The following FAM163B variants were observed in gnomAD, a reference collection of about 807,000 sequenced individuals.
FAM163B encodes the protein protein FAM163B.
A neutral mutation model predicts 7.6 loss-of-function variants in FAM163B; 4 were observed. The ratio of observed to expected loss-of-function variants is 0.52; its 90% CI spans 0.26 to 1.20. The LOEUF (loss-of-function observed/expected upper bound fraction) is 1.20, where lower values mean the gene tolerates loss of function less well. FAM163B is among the 50% of genes most tolerant of loss of function. The pLI is 0.14. For synonymous variants in FAM163B, 120 were observed against 111.6 expected (o/e 1.07, Z -0.47); for missense variants, 250 against 243.0 (o/e 1.03, Z -0.19).
intron 1 of FAM163B, among the ~76,000 whole-genome samples, chr9:133,596,302 C>T (rs1010574688): frequency 6.6e-6 from 1 of 150,554 alleles, no homozygotes; most frequent in Non-Finnish European, 1.5e-5. Flanking sequence ...GTGGCTGCCA[C>T]TTGAATCTGG....
chr9:133,589,924 A>C (rs1471644200), intron 1 of FAM163B, among the ~76,000 whole-genome samples: 3 of 152,000 alleles, frequency 2.0e-5, no homozygotes, highest in Non-Finnish European at 4.4e-5. Flanking sequence ...TAGGGCCTGA[A>C]AACCCCGGGC....
In FAM163B at chr9:133,580,209, G is replaced by C. The variant is rs929547517; in HGVS notation, c.15C>G (p.Thr5=). 3.7e-6 allele frequency: 6 copies of C among 1,613,348 alleles called. No homozygotes were observed. The highest frequency in any genetic ancestry group is 5.1e-6 in the Non-Finnish European group (6 of 1,179,954). ...CCAAGATGCCCCCGGTGATGACCAC[G>C]GTCCCGGCTGTCATCCGCCCCCTTC... MTAG[T]VVITGGILAT... Residue 5 remains threonine (T), a synonymous_variant, in exon 2 of 3, where the codon ACC becomes ACG. Coordinates refer to ENST00000673969, the MANE Select transcript of FAM163B (RefSeq NM_001080515.3).
At chr9:133,593,177 G>T (rs1178360897) in intron 1 of FAM163B, among the ~76,000 whole-genome samples, 5 of 152,218 alleles carry the variant, frequency 3.3e-5, no homozygotes, top group Non-Finnish European at 7.3e-5. Context: ...CCATTCTGCA[G>T]ATGAGCAAAC....
intron 1 of FAM163B, among the ~76,000 whole-genome samples, chr9:133,595,357 G>T (rs914310275): frequency 1.3e-5 from 2 of 152,174 alleles, no homozygotes; most frequent in Admixed American, 1.3e-4. Flanking sequence ...TGTTGGCCAG[G>T]CTGTCCTCCA....
intron 1 of FAM163B, among the ~76,000 whole-genome samples, chr9:133,599,220 C>A (rs1351063494): frequency 6.6e-6 from 1 of 152,190 alleles, no homozygotes; most frequent in African/African-American, 2.4e-5. Flanking sequence ...GCTCCATCGA[C>A]TCGGAACTGC....
intron 1 of FAM163B, among the ~76,000 whole-genome samples, chr9:133,585,770 G>A (rs1235660383): frequency 2.0e-5 from 3 of 152,154 alleles, no homozygotes; most frequent in Non-Finnish European, 4.4e-5. Flanking sequence ...TGAGGCGGGC[G>A]CCCTCCACTT....
chr9:133,599,747 T>G (rs1831686905), intron 1 of FAM163B, among the ~76,000 whole-genome samples: 2 of 148,054 alleles, frequency 1.4e-5, no homozygotes, highest in Non-Finnish European at 3.0e-5. Context: ...ATGTGTGTGG[T>G]CTGTATGCAT....
intron 1 of FAM163B, 39 bp from the exon 2 acceptor site, chr9:133,580,285 C>A: frequency 6.9e-7 from 1 of 1,455,388 alleles, no homozygotes; most frequent in East Asian, 2.3e-5. Flanking sequence ...ATCACGCTTC[C>A]TCACCACAAA....
At chr9:133,603,226 A>G (rs919036331) in intron 1 of FAM163B, among the ~76,000 whole-genome samples, 1 of 152,222 alleles carries the variant, frequency 6.6e-6, no homozygotes, top group Non-Finnish European at 1.5e-5. Flanking sequence ...GACAAATGCT[A>G]CAGAGAAACC....
intron 1 of FAM163B, among the ~76,000 whole-genome samples, chr9:133,603,667 C>A (rs1831756777): frequency 1.3e-5 from 2 of 152,320 alleles, no homozygotes; most frequent in South Asian, 4.1e-4. Flanking sequence ...GCCACACCAG[C>A]TCCTTCCTGC....
intron 1 of FAM163B, among the ~76,000 whole-genome samples, chr9:133,599,927 TGA>T (rs551206546): frequency 8.0e-4 from 120 of 149,672 alleles, no homozygotes; most frequent in Middle Eastern, 3.5e-3. Context: ...TGCATGTGTG[TGA>T]GTGTGGTCTA....
At chr9:133,605,483 T>G (rs1039215054) in intron 1 of FAM163B, among the ~76,000 whole-genome samples, 49 of 152,200 alleles carry the variant, frequency 3.2e-4, no homozygotes, top group Non-Finnish European at 1.0e-4. Context: ...GCTCCCTAGC[T>G]GGTGCAGCCT....
chr9:133,579,397 C>T lies in FAM163B; in HGVS notation c.126G>A (p.Glu42=). 26 of 1,608,136 alleles carry T rather than the reference C, an allele frequency of 1.6e-5. No individual in the cohort carries two copies. Among genetic ancestry groups the T allele is most frequent in the Non-Finnish European group, 2.2e-5 (26 of 1,177,904 alleles). The change falls in exon 3 of 3, where the codon GAG becomes GAA. Residue 42 remains glutamate (E), a synonymous_variant. Transcript: ENST00000673969. ...YYCCKKDESE[E]DEEEPDFAVH... Reference sequence around the variant, plus strand: ...CGGCGAAGTCTGGTTCCTCCTCGTCCTCCTCCGACTCGTCCTTCTTGCAGC... The same window carrying T: ...CGGCGAAGTCTGGTTCCTCCTCGTCTTCCTCCGACTCGTCCTTCTTGCAGC...
chr9:133,598,491 C>T (rs1373290154), intron 1 of FAM163B, among the ~76,000 whole-genome samples: 6 of 151,668 alleles, frequency 4.0e-5, no homozygotes, highest in Non-Finnish European at 8.8e-5. Context: ...TCCATGGCTA[C>T]AGCTGTGTGC....
intron 1 of FAM163B, among the ~76,000 whole-genome samples, chr9:133,608,278 G>T (rs907762247): frequency 7.9e-5 from 12 of 152,214 alleles, no homozygotes; most frequent in Non-Finnish European, 1.5e-5. Flanking sequence ...GGTTGCTACG[G>T]GACACACACT....
At chr9:133,585,714 C>T (rs749886649) in intron 1 of FAM163B, among the ~76,000 whole-genome samples, 21 of 152,236 alleles carry the variant, frequency 1.4e-4, no homozygotes, top group Non-Finnish European at 2.5e-4. Context: ...TGCAGCTGCA[C>T]GGGCCCTGCA....
intron 1 of FAM163B, among the ~76,000 whole-genome samples, chr9:133,591,313 G>GT (rs1301604145): frequency 6.6e-6 from 1 of 152,270 alleles, no homozygotes; most frequent in East Asian, 1.9e-4. Flanking sequence ...ACCAGGTGCT[G>GT]TTCCGGATGG....
At chr9:133,585,715 G>C (rs756720623) in intron 1 of FAM163B, among the ~76,000 whole-genome samples, 16 of 152,206 alleles carry the variant, frequency 1.1e-4, no homozygotes, top group Non-Finnish European at 2.4e-4. Context: ...GCAGCTGCAC[G>C]GGCCCTGCAA....
chr9:133,580,023 C>T, intron 2 of FAM163B, 108 bp downstream of exon 2: 3 of 897,314 alleles, frequency 3.3e-6, no homozygotes, highest in Non-Finnish European at 5.2e-6. Flanking sequence ...GGCTCTTCCC[C>T]ACTTCCCGGG....
Sources: allele counts gnomAD v4.1 joint callset (sites outside exome capture counted in the v4.1 genomes callset), GRCh38; gene constraint gnomAD v4.1.1; transcripts MANE v1.5; gene names NCBI Gene and HGNC (gene_info 2026-07-23, HGNC 2026-07-21).